SAMMSON: variants seen among roughly 807,000 people sequenced by gnomAD.
SAMMSON encodes long intergenic non-protein coding RNA 1212.
chr3:70,409,073 A>G (rs1030061869), intron 2 of SAMMSON, among the ~76,000 whole-genome samples: 2 of 152,130 alleles, frequency 1.3e-5, no homozygotes, highest in Non-Finnish European at 2.9e-5. Context: ...AACCACCCCC[A>G]TGATTCAAAT....
intron 4 of SAMMSON, among the ~76,000 whole-genome samples, chr3:70,114,386 C>T (rs142184858): frequency 4.8e-4 from 73 of 152,248 alleles, no homozygotes; most frequent in Middle Eastern, 3.4e-3. Context: ...TCTTCCTCAA[C>T]GAAATCTCTT....
chr3:70,245,969 G>C (rs1575605664), intron 4 of SAMMSON, among the ~76,000 whole-genome samples: 2 of 150,592 alleles, frequency 1.3e-5, no homozygotes, highest in South Asian at 4.2e-4. Context: ...TTTTGATATG[G>C]TAGGGAACTG....
At chr3:70,189,936 T>C (rs574326050) in intron 4 of SAMMSON, among the ~76,000 whole-genome samples, 44 of 152,288 alleles carry the variant, frequency 2.9e-4, no homozygotes, top group African/African-American at 9.9e-4. Flanking sequence ...GATGGACTTA[T>C]ATGAAAATTT....
Position 70,273,158 on chromosome 3 carries a change from C to T in SAMMSON, n.675-18021C>T, listed in dbSNP as rs933874887. 2.6e-5 allele frequency among the ~76,000 whole-genome samples: 4 copies of T among 152,274 alleles called. No homozygotes were observed. The South Asian group carries it at 6.2e-4, about 24-fold the overall frequency. On this transcript the variant is annotated intron_variant and non_coding_transcript_variant, in intron 6 of 9. Transcript: ENST00000642114. The stretch of plus-strand genomic sequence containing the variant: ...TAAAAGGACTGACAAATCTAAGATT[C>T]ATCCCGGTGATCACTGACACTTGAA...
At chr3:70,264,153 T>C (rs1382076666) in intron 6 of SAMMSON, among the ~76,000 whole-genome samples, 1 of 152,262 alleles carries the variant, frequency 6.6e-6, no homozygotes, top group Non-Finnish European at 1.5e-5. Context: ...ATGTAGCATA[T>C]GTTTTGCATT....
chr3:70,319,780 T>C lies in SAMMSON; in HGVS notation n.739+28537T>C, dbSNP rs531197722. Reference sequence around the variant, plus strand: ...ATTAAATTAAATTTTTACAAGTCAGTGGGAAGGAAATTTGGAAGGGATGTG... The same window carrying C: ...ATTAAATTAAATTTTTACAAGTCAGCGGGAAGGAAATTTGGAAGGGATGTG... On this transcript the variant is annotated intron_variant and non_coding_transcript_variant, in intron 7 of 9. Coordinates refer to ENST00000642114, the Ensembl canonical transcript of SAMMSON. 3.2e-4 allele frequency among the ~76,000 whole-genome samples: 48 copies of C among 152,050 alleles called. No individual in the cohort carries two copies. The South Asian group carries it at 8.3e-3, about 26-fold the overall frequency.
chr3:70,328,918 A>G (rs1702600613), intron 7 of SAMMSON, among the ~76,000 whole-genome samples: 1 of 152,210 alleles, frequency 6.6e-6, no homozygotes, highest in Non-Finnish European at 1.5e-5. Context: ...TCTTAAAAGT[A>G]ACTTGAGAGA....
At chr3:70,367,297 T>C (rs573738859) in intron 9 of SAMMSON, among the ~76,000 whole-genome samples, 2 of 151,762 alleles carry the variant, frequency 1.3e-5, no homozygotes, top group East Asian at 3.9e-4. Flanking sequence ...TACCCATTAA[T>C]CAATCTTTTT....
chr3:70,336,858 G>GTGGA (rs1491478364), intron 7 of SAMMSON, among the ~76,000 whole-genome samples: 1 of 135,768 alleles, frequency 7.4e-6, no homozygotes, highest in Non-Finnish European at 1.6e-5. Flanking sequence ...GTGTGTGTGT[G>GTGGA]GAGAGAGAGA....
chr3:70,117,978 C>CTCACTCA (rs2106664911), intron 4 of SAMMSON, among the ~76,000 whole-genome samples: 1 of 152,160 alleles, frequency 6.6e-6, no homozygotes, highest in South Asian at 2.1e-4. Context: ...AGTGCAGTGG[C>CTCACTCA]GCCATCTCGG....
intron 4 of SAMMSON, among the ~76,000 whole-genome samples, chr3:70,214,786 C>T (rs1701389792): frequency 6.6e-6 from 1 of 152,030 alleles, no homozygotes; most frequent in Admixed American, 6.6e-5. Flanking sequence ...GACATGAAAG[C>T]AGTTTGCAAT....
intron 4 of SAMMSON, among the ~76,000 whole-genome samples, chr3:70,185,332 T>C (rs1206546034): frequency 6.6e-6 from 1 of 152,136 alleles, no homozygotes; most frequent in Non-Finnish European, 1.5e-5. Context: ...CACTATGTAA[T>C]GTGGTTGAAA....
In SAMMSON at chr3:70,027,916, G is replaced by A. The variant is rs999309570; in HGVS notation, n.417+14244G>A. Among the ~76,000 whole-genome samples, 6 of 152,120 alleles carry A rather than the reference G, an allele frequency of 3.9e-5. No homozygotes were observed. In the East Asian group the frequency reaches 5.8e-4, roughly 15 times the overall value. On this transcript the variant is annotated intron_variant and non_coding_transcript_variant, in intron 3 of 9. Transcript: ENST00000642114. ...AGAATACAGAAGACATCTCAAAGCC[G>A]TTTTCATTTGGGGGTAATATTGAAA...
intron 6 of SAMMSON, among the ~76,000 whole-genome samples, chr3:70,276,342 T>G (rs931859444): frequency 2.0e-5 from 3 of 152,238 alleles, no homozygotes; most frequent in Non-Finnish European, 2.9e-5. Context: ...GAACACACTT[T>G]CTTCACCCAC....
intron 6 of SAMMSON, among the ~76,000 whole-genome samples, chr3:70,254,180 G>T (rs1701794462): frequency 6.6e-6 from 1 of 152,022 alleles, no homozygotes; most frequent in South Asian, 2.1e-4. Context: ...AACTAGTAAT[G>T]ATAAAACATT....
chr3:70,017,626 T>A (rs552560084), intron 3 of SAMMSON, among the ~76,000 whole-genome samples: 32 of 152,240 alleles, frequency 2.1e-4, no homozygotes, highest in Non-Finnish European at 4.1e-4. Flanking sequence ...CTATGTTGAA[T>A]AGGAGTGGTG....
intron 4 of SAMMSON, among the ~76,000 whole-genome samples, chr3:70,129,831 G>C (rs1255910368): frequency 6.6e-6 from 1 of 152,024 alleles, no homozygotes; most frequent in Non-Finnish European, 1.5e-5. Context: ...CTGCCACTTT[G>C]AAAACAGTTA....
chr3:70,324,227 A>C (rs201253768), intron 7 of SAMMSON, among the ~76,000 whole-genome samples: 1 of 150,668 alleles, frequency 6.6e-6, no homozygotes, highest in Admixed American at 6.6e-5. Context: ...CACACACAGA[A>C]AGAGAGAGAG....
At chr3:70,219,428 A>G (rs1303729326) in intron 4 of SAMMSON, among the ~76,000 whole-genome samples, 2 of 152,190 alleles carry the variant, frequency 1.3e-5, no homozygotes, top group African/African-American at 4.8e-5. Flanking sequence ...TGATGTGACC[A>G]AGAGAGCTGT....
Sources: allele counts gnomAD v4.1 joint callset (sites outside exome capture counted in the v4.1 genomes callset), GRCh38; gene constraint gnomAD v4.1.1; transcripts MANE v1.5; gene names NCBI Gene and HGNC (gene_info 2026-07-23, HGNC 2026-07-21).